PTPA: variants seen among roughly 807,000 people sequenced by gnomAD.
The protein encoded by PTPA is serine/threonine-protein phosphatase 2A activator.
Under a neutral mutation model 43.6 loss-of-function variants are expected in PTPA, and 13 were observed. That is an observed-to-expected ratio of 0.30 (90% CI 0.19 to 0.47). PTPA has a LOEUF of 0.47. Among genes scored for constraint, PTPA ranks in the 20% least tolerant of loss-of-function variants. The pLI is 0.99. For missense variants in PTPA, 329 were observed against 411.9 expected, an observed-to-expected ratio of 0.80 and a Z score of 1.74; for synonymous variants, 172 against 158.2, an observed-to-expected ratio of 1.09 and a Z score of -0.66.
At chr9:129,116,248 G>A (rs1186223245) in intron 1 of PTPA, among the ~76,000 whole-genome samples, 46 of 151,774 alleles carry the variant, frequency 3.0e-4, no homozygotes, top group Non-Finnish European at 1.9e-4. Context: ...GCAGTGGCGC[G>A]ATCTCGGCTC....
At chr9:129,117,849 G>T (rs572619549) in intron 1 of PTPA, among the ~76,000 whole-genome samples, 2 of 150,898 alleles carry the variant, frequency 1.3e-5, no homozygotes, top group Non-Finnish European at 3.0e-5. Flanking sequence ...GGTGTGTGCC[G>T]TCATGTCAGG....
rs17433423 is a variant in PTPA, at chr9:129,138,143, G to C, written c.786+451G>C. Reference sequence around the variant, plus strand: ...GTGCAGACAGCTTTTCTGTCGAAGGGACACGTCTCTGTCAGTGCCTGAGGA... The same window carrying C: ...GTGCAGACAGCTTTTCTGTCGAAGGCACACGTCTCTGTCAGTGCCTGAGGA... On this transcript the variant is annotated intron_variant, in intron 8 of 9. Coordinates refer to ENST00000393370, the MANE Select transcript of PTPA (RefSeq NM_178000.3). 4.7e-3 allele frequency: 1,117 copies of C among 237,946 alleles called. 6 individuals carry two copies. The highest frequency in any genetic ancestry group is 0.017 in the South Asian group (304 of 17,916). The allele number at this position is 237,946 out of a possible 1,614,324, so 14.7% of individuals were successfully genotyped here.
intron 5 of PTPA, among the ~76,000 whole-genome samples, chr9:129,132,340 A>T (rs1850032438): frequency 6.6e-6 from 1 of 151,838 alleles, no homozygotes; most frequent in South Asian, 2.1e-4. Context: ...TTATATATTT[A>T]TTTTTTTGAG....
chr9:129,131,275 TTCC>T (rs1474083941), intron 4 of PTPA, among the ~76,000 whole-genome samples: 1 of 152,194 alleles, frequency 6.6e-6, no homozygotes, highest in Non-Finnish European at 1.5e-5. Flanking sequence ...TTTTTCCAGA[TTCC>T]TCCTGTTTTG....
chr9:129,123,518 C>T (rs1367133342), intron 3 of PTPA, among the ~76,000 whole-genome samples: 6 of 151,790 alleles, frequency 4.0e-5, no homozygotes, highest in Non-Finnish European at 8.8e-5. Context: ...GTGCCCACCA[C>T]GGGGCCAGAG....
At chr9:129,126,014 G>A (rs1455082689) in intron 3 of PTPA, among the ~76,000 whole-genome samples, 3 of 151,748 alleles carry the variant, frequency 2.0e-5, no homozygotes, top group African/African-American at 4.8e-5. Flanking sequence ...TGGGCGTGGC[G>A]GCAGGCACCT....
intron 1 of PTPA, among the ~76,000 whole-genome samples, chr9:129,117,122 A>C (rs1426591794): frequency 6.6e-6 from 1 of 150,764 alleles, no homozygotes; most frequent in African/African-American, 2.4e-5. Flanking sequence ...AGTGCAGCTC[A>C]CTTCAGCCTC....
intron 4 of PTPA, among the ~76,000 whole-genome samples, chr9:129,129,431 A>ATAG (rs1849803193): frequency 6.6e-6 from 1 of 152,004 alleles, no homozygotes; most frequent in Admixed American, 6.6e-5. Flanking sequence ...ATCATGGAGT[A>ATAG]CTGTGCAGCT....
At chr9:129,146,753 C>T (rs1277573419) in intron 9 of PTPA, among the ~76,000 whole-genome samples, 1 of 152,226 alleles carries the variant, frequency 6.6e-6, no homozygotes, top group Non-Finnish European at 1.5e-5. Context: ...TCCAGCTCTG[C>T]TCCTCTGCTA....
At position 129,147,792 on chromosome 9, in the gene PTPA, G is replaced by T; in HGVS notation, c.*328G>T. ...ACTCCCGTCCAGTCTGGTTTTGAGA[G>T]CAGGGGCTGTTCTGCAGCACCGCAG... On this transcript the variant is annotated 3_prime_UTR_variant, in exon 10 of 10. Transcript: ENST00000393370. 1 of 331,798 alleles carries T rather than the reference G, an allele frequency of 3.0e-6. No homozygotes were observed. The highest frequency in any genetic ancestry group is 5.8e-6 in the Non-Finnish European group (1 of 173,272). The allele number at this position is 331,798 out of a possible 1,614,324, so 20.6% of individuals were successfully genotyped here.
chr9:129,142,570 A>G lies in PTPA; in HGVS notation c.894+18A>G. On this transcript the variant is annotated intron_variant, in intron 9 of 9. Coordinates refer to ENST00000393370, the MANE Select transcript of PTPA (RefSeq NM_178000.3). ...AGGCCGAGGTGAGTGGGGGCTGGCCAGTGTGCCCGTCCCTGCTGCCGCACT... is the reference window on the plus strand; with the variant it reads ...AGGCCGAGGTGAGTGGGGGCTGGCCGGTGTGCCCGTCCCTGCTGCCGCACT... 6.2e-7 allele frequency: 1 copy of G among 1,613,890 alleles called. No homozygotes were observed. The highest frequency in any genetic ancestry group is 8.5e-7 in the Non-Finnish European group (1 of 1,179,916).
intron 1 of PTPA, among the ~76,000 whole-genome samples, chr9:129,114,595 A>C (rs538551152): frequency 6.6e-6 from 1 of 152,210 alleles, no homozygotes; most frequent in Non-Finnish European, 1.5e-5. Context: ...ATCTTTTTCA[A>C]AGTTTCAAAG....
At chr9:129,122,409 G>T (rs1406745248) in intron 2 of PTPA, among the ~76,000 whole-genome samples, 2 of 152,182 alleles carry the variant, frequency 1.3e-5, no homozygotes, top group Non-Finnish European at 2.9e-5. Context: ...GACCCTCAGT[G>T]CTTTCTTATC....
chr9:129,144,461 G>A (rs969657527), intron 9 of PTPA, among the ~76,000 whole-genome samples: 3 of 152,112 alleles, frequency 2.0e-5, no homozygotes, highest in East Asian at 1.9e-4. Context: ...AAGTCAGGCC[G>A]GGCGTGGTGG....
At chr9:129,143,076 G>A in intron 9 of PTPA, 1 of 717,586 alleles carries the variant, frequency 1.4e-6, no homozygotes, top group Non-Finnish European at 2.2e-6. Context: ...GGTTTTCCCT[G>A]CTCTCAAATC....
At position 129,111,432 on chromosome 9, in the gene PTPA, C is replaced by G. The variant is rs902402339; in HGVS notation, c.-169C>G. 218 of 1,250,644 alleles carry G rather than the reference C, an allele frequency of 1.7e-4. No individual in the cohort carries two copies. The highest frequency in any genetic ancestry group is 2.2e-4 in the Non-Finnish European group (214 of 990,248). 77.5% of individuals were successfully genotyped at this position (1,250,644 alleles called of 1,614,324 possible). On this transcript the variant is annotated 5_prime_UTR_variant, in exon 1 of 10. Coordinates refer to ENST00000393370, the MANE Select transcript of PTPA (RefSeq NM_178000.3). ...CGCCCCGCACCGACATGGCGGCCGT[C>G]TTCGCTGTGGTGACTTTAACTCTCG... is the stretch of plus-strand genomic sequence containing the variant.
At chr9:129,143,346 T>G in intron 9 of PTPA, 1 of 703,024 alleles carries the variant, frequency 1.4e-6, no homozygotes, top group Non-Finnish European at 2.6e-6. Context: ...GAGTGATGGG[T>G]CCTTAAAGTC....
chr9:129,126,106 G>C (rs1424271090), intron 3 of PTPA, among the ~76,000 whole-genome samples: 4 of 151,934 alleles, frequency 2.6e-5, no homozygotes, highest in Non-Finnish European at 5.9e-5. Flanking sequence ...CCAAGATGGT[G>C]CCACTGCACT....
In PTPA at chr9:129,128,863, G is replaced by C. The variant is rs1012069861; in HGVS notation, c.217-122G>C. On this transcript the variant is annotated intron_variant, in intron 3 of 9. Coordinates refer to ENST00000393370, the MANE Select transcript of PTPA (RefSeq NM_178000.3). ...GAACAGTGGGGAAGAAAGAGGGATGGGGGAGAGTTCCCAGTAGGGGCCATG... is the reference window on the plus strand; with the variant it reads ...GAACAGTGGGGAAGAAAGAGGGATGCGGGAGAGTTCCCAGTAGGGGCCATG... 5.0e-5 allele frequency: 59 copies of C among 1,191,882 alleles called. 1 individual carries two copies. Among genetic ancestry groups the C allele is most frequent in the Middle Eastern group, 2.9e-4 (1 of 3,462 alleles). 73.8% of individuals were successfully genotyped at this position (1,191,882 alleles called of 1,614,324 possible). A position where few individuals can be genotyped will look rare whatever the true frequency, so the allele number is the denominator to read the frequency against.
Sources: allele counts gnomAD v4.1 joint callset (sites outside exome capture counted in the v4.1 genomes callset), GRCh38; gene constraint gnomAD v4.1.1; transcripts MANE v1.5; gene names NCBI Gene and HGNC (gene_info 2026-07-23, HGNC 2026-07-21).